Variants in BMPR1B observed in about 807,000 individuals in gnomAD.
BMPR1B encodes the protein bone morphogenetic protein receptor type-1B.
Under a neutral mutation model 59.1 loss-of-function variants are expected in BMPR1B, and 12 were observed. That is an observed-to-expected ratio of 0.20 (90% CI 0.13 to 0.33). The LOEUF is 0.33. Ranked by LOEUF, BMPR1B falls within the 10% of genes least tolerant of loss-of-function variation. The pLI is 1.00. For synonymous variants in BMPR1B, 237 were observed against 207.3 expected, an observed-to-expected ratio of 1.14 and a Z score of -1.23; for missense variants, 550 against 610.9, an observed-to-expected ratio of 0.90 and a Z score of 1.05.
At chr4:95,029,956 TG>T (rs2149153409) in intron 3 of BMPR1B, among the ~76,000 whole-genome samples, 1 of 152,202 alleles carries the variant, frequency 6.6e-6, no homozygotes, top group African/African-American at 2.4e-5. Context: ...CACTTTTTGA[TG>T]GGGTTGTTTG....
intron 9 of BMPR1B, among the ~76,000 whole-genome samples, chr4:95,130,978 C>G (rs1033674908): frequency 2.0e-5 from 3 of 151,964 alleles, no homozygotes; most frequent in African/African-American, 7.3e-5. Flanking sequence ...GATCCACCCG[C>G]CATGGCCTCC....
At chr4:94,878,102 G>A (rs72887871) in intron 2 of BMPR1B, among the ~76,000 whole-genome samples, 5,236 of 152,114 alleles carry the variant, frequency 0.034, 299 homozygotes, top group African/African-American at 0.12. Flanking sequence ...ATATATTCCT[G>A]ACCGTGGAAT....
intron 2 of BMPR1B, among the ~76,000 whole-genome samples, chr4:94,952,625 CTGTT>C (rs1370584996): frequency 5.3e-5 from 8 of 152,094 alleles, no homozygotes; most frequent in Non-Finnish European, 4.4e-5. Flanking sequence ...GTCTGAGAGA[CTGTT>C]TGTTATGGTA....
rs148377902 is a variant in BMPR1B, at chr4:94,834,806, C to A, written c.-182-41025C>A. Among the ~76,000 whole-genome samples the A allele has an allele frequency of 2.2e-3, 340 of 152,198 alleles. 4 individuals carry two copies. Among genetic ancestry groups the A allele is most frequent in the African/African-American group, 7.6e-3 (316 of 41,518 alleles). Reference sequence around the variant, plus strand: ...ATATCTTACTCTGAAATGGAAATGGCAGTGCCTACTTTAGGTATTTTAATA... The same window carrying A: ...ATATCTTACTCTGAAATGGAAATGGAAGTGCCTACTTTAGGTATTTTAATA... On this transcript the variant is annotated intron_variant, in intron 1 of 12. Transcript: ENST00000515059.
intron 3 of BMPR1B, among the ~76,000 whole-genome samples, chr4:95,009,152 G>A (rs1723053566): frequency 6.6e-6 from 1 of 152,214 alleles, no homozygotes; most frequent in African/African-American, 2.4e-5. Flanking sequence ...TGGTGTGGAT[G>A]TGAAGCAACA....
intron 10 of BMPR1B, among the ~76,000 whole-genome samples, chr4:95,145,387 T>A (rs961025821): frequency 6.6e-6 from 1 of 152,216 alleles, no homozygotes; most frequent in African/African-American, 2.4e-5. Flanking sequence ...TAGCCCTCTG[T>A]GGACAAGGAG....
At chr4:95,052,572 T>C (rs1382045203) in intron 3 of BMPR1B, among the ~76,000 whole-genome samples, 1 of 152,020 alleles carries the variant, frequency 6.6e-6, no homozygotes, top group Non-Finnish European at 1.5e-5. Flanking sequence ...AGTTCAGCTT[T>C]ATGTACTTGT....
intron 1 of BMPR1B, among the ~76,000 whole-genome samples, chr4:94,874,217 G>T (rs1290520789): frequency 6.6e-6 from 1 of 151,920 alleles, no homozygotes; most frequent in Non-Finnish European, 1.5e-5. Flanking sequence ...TGGACATTTG[G>T]GTTGTTTTCA....
chr4:94,957,486 T>C (rs1022798268), intron 2 of BMPR1B, among the ~76,000 whole-genome samples: 3 of 152,028 alleles, frequency 2.0e-5, no homozygotes, highest in African/African-American at 7.2e-5. Context: ...TAGTGCTGTT[T>C]GCAATTTCAT....
In BMPR1B at chr4:95,152,639, T is replaced by G. The variant is rs2149330499; in HGVS notation, c.1253-4T>G. Reference sequence around the variant, plus strand: ...TAATAATAATAGTAACAACATATTTTTAGGTATAGTGGAAGAATACCAGCT... The same window carrying G: ...TAATAATAATAGTAACAACATATTTGTAGGTATAGTGGAAGAATACCAGCT... On this transcript the variant is annotated splice_region_variant and splice_polypyrimidine_tract_variant and intron_variant, in intron 11 of 12. Coordinates refer to ENST00000515059, the MANE Select transcript of BMPR1B (RefSeq NM_001203.3). The G allele has an allele frequency of 6.5e-7, 1 of 1,536,806 alleles. No homozygotes were observed. The highest frequency in any genetic ancestry group is 1.2e-5 in the South Asian group (1 of 82,288).
At chr4:94,846,859 G>A (rs1184532374) in intron 1 of BMPR1B, among the ~76,000 whole-genome samples, 5 of 150,728 alleles carry the variant, frequency 3.3e-5, no homozygotes, top group Non-Finnish European at 5.9e-5. Context: ...AAAAAAAAAC[G>A]TTGGGGAAAC....
At chr4:94,961,982 A>G (rs1392321276) in intron 2 of BMPR1B, among the ~76,000 whole-genome samples, 1 of 152,118 alleles carries the variant, frequency 6.6e-6, no homozygotes, top group East Asian at 1.9e-4. Flanking sequence ...GAAATATATA[A>G]TAAATTGTTC....
intron 3 of BMPR1B, among the ~76,000 whole-genome samples, chr4:95,060,657 G>A (rs150654990): frequency 8.5e-5 from 13 of 152,300 alleles, no homozygotes; most frequent in African/African-American, 2.9e-4. Context: ...CTGGAAATCT[G>A]TTCAGAGTTT....
intron 1 of BMPR1B, among the ~76,000 whole-genome samples, chr4:94,833,059 C>A (rs1724664752): frequency 1.3e-5 from 2 of 151,910 alleles, no homozygotes; most frequent in Admixed American, 1.3e-4. Flanking sequence ...TGCCTGGTGG[C>A]ACATGCCTGT....
intron 1 of BMPR1B, among the ~76,000 whole-genome samples, chr4:94,824,234 T>C (rs1578684735): frequency 6.6e-6 from 1 of 152,234 alleles, no homozygotes; most frequent in Non-Finnish European, 1.5e-5. Context: ...GCCAGCACTT[T>C]CCCATGCATC....
chr4:94,831,600 C>G (rs1301264260), intron 1 of BMPR1B, among the ~76,000 whole-genome samples: 1 of 151,944 alleles, frequency 6.6e-6, no homozygotes. Context: ...ACAGTTTTGC[C>G]TTTATATTTA....
chr4:94,855,996 C>G (rs563333368), intron 1 of BMPR1B, among the ~76,000 whole-genome samples: 29 of 152,288 alleles, frequency 1.9e-4, no homozygotes, highest in African/African-American at 7.0e-4. Flanking sequence ...CAGCCTCTTC[C>G]AGTTTTCTGC....
At chr4:95,077,223 C>T (rs1728778477) in intron 3 of BMPR1B, among the ~76,000 whole-genome samples, 1 of 152,076 alleles carries the variant, frequency 6.6e-6, no homozygotes, top group South Asian at 2.1e-4. Flanking sequence ...AATGTACATA[C>T]ACCGGCTGAT....
chr4:94,968,348 TTTG>T (rs762996804), intron 2 of BMPR1B, among the ~76,000 whole-genome samples: 9 of 107,894 alleles, frequency 8.3e-5, no homozygotes, highest in Admixed American at 1.7e-4. Context: ...AATAGTTTTT[TTTG>T]TTGTTGTTGT....
Sources: gnomAD v4.1 joint callset for allele counts (sites outside exome capture counted in the v4.1 genomes callset) on GRCh38, gnomAD v4.1.1 for gene constraint, MANE v1.5 for transcripts, NCBI Gene and HGNC (gene_info 2026-07-23, HGNC 2026-07-21) for gene names.